GALNT13: variants seen among roughly 807,000 people sequenced by gnomAD.
The protein encoded by GALNT13 is polypeptide N-acetylgalactosaminyltransferase 13, also known as UDP-GalNAc:polypeptide N-acetylgalactosaminyltransferase 13.
GALNT13 carries 28 observed loss-of-function variants against 64.2 expected under a neutral mutation model. The ratio of observed to expected loss-of-function variants is 0.44; its 90% CI spans 0.32 to 0.60. GALNT13 has a LOEUF of 0.60. GALNT13 is among the 20% of genes least tolerant of loss of function. The pLI is 0.05. For missense variants in GALNT13, 577 were observed against 669.8 expected (o/e 0.86, Z 1.53); for synonymous variants, 214 against 224.6 (o/e 0.95, Z 0.42).
At chr2:153,560,775 C>T in the GALNT13 span, among the ~76,000 whole-genome samples, 1 of 152,064 alleles carries the variant, frequency 6.6e-6, no homozygotes, top group Non-Finnish European at 1.5e-5. Context: ...ACATGCTCTT[C>T]AGCCTTTCTC....
chr2:154,391,178 CT>C (rs1229811614), intron 9 of GALNT13, among the ~76,000 whole-genome samples: 1 of 152,206 alleles, frequency 6.6e-6, no homozygotes, highest in Non-Finnish European at 1.5e-5. Context: ...CTTAACTCAT[CT>C]ATACAGCTAC....
intron 9 of GALNT13, among the ~76,000 whole-genome samples, chr2:154,340,137 A>G (rs1490307640): frequency 7.2e-5 from 11 of 152,152 alleles, no homozygotes. Context: ...TATTATTTCC[A>G]TTGGCTGTGC....
the GALNT13 span, among the ~76,000 whole-genome samples, chr2:153,071,338 A>T: frequency 1.3e-5 from 2 of 152,192 alleles, no homozygotes; most frequent in Non-Finnish European, 2.9e-5. Flanking sequence ...CTGTGTTCTC[A>T]TCTCTTACAT....
chr2:153,832,104 G>A, the GALNT13 span, among the ~76,000 whole-genome samples: 1 of 152,122 alleles, frequency 6.6e-6, no homozygotes, highest in African/African-American at 2.4e-5. Context: ...TTGTAGCTAT[G>A]TTAAAAGTTT....
chr2:153,200,388 A>T, the GALNT13 span, among the ~76,000 whole-genome samples: 21 of 152,346 alleles, frequency 1.4e-4, no homozygotes, highest in Middle Eastern at 6.8e-3. Flanking sequence ...GTTGGGGCAA[A>T]GTGTAGTGAG....
chr2:153,233,792 G>A, the GALNT13 span, among the ~76,000 whole-genome samples: 2 of 152,296 alleles, frequency 1.3e-5, no homozygotes, highest in Admixed American at 6.5e-5. Flanking sequence ...CATTAGGTTT[G>A]TAGCAGGTCT....
chr2:153,545,163 C>CT, the GALNT13 span, among the ~76,000 whole-genome samples: 1 of 152,038 alleles, frequency 6.6e-6, no homozygotes, highest in Non-Finnish European at 1.5e-5. Flanking sequence ...TCTCTTAAGT[C>CT]TGGTGGTGGC....
chr2:153,699,517 C>T, the GALNT13 span, among the ~76,000 whole-genome samples: 3,371 of 151,370 alleles, frequency 0.022, 69 homozygotes, highest in Middle Eastern at 0.027. Flanking sequence ...GATAGAGATA[C>T]GAAAAATCCT....
chr2:154,062,670 CT>C (rs1335347101), intron 3 of GALNT13, among the ~76,000 whole-genome samples: 12 of 152,206 alleles, frequency 7.9e-5, no homozygotes, highest in Admixed American at 7.9e-4. Flanking sequence ...GGAAAATCTG[CT>C]CCCATGATCT....
At chr2:154,044,353 C>T (rs1699173630) in intron 3 of GALNT13, among the ~76,000 whole-genome samples, 1 of 152,156 alleles carries the variant, frequency 6.6e-6, no homozygotes, top group African/African-American at 2.4e-5. Flanking sequence ...CGTCAATTAT[C>T]TGAAGGATAA....
chr2:154,265,252 A>C (rs1690928007), intron 8 of GALNT13, among the ~76,000 whole-genome samples: 1 of 152,130 alleles, frequency 6.6e-6, no homozygotes, highest in African/African-American at 2.4e-5. Flanking sequence ...CACAGAAAGA[A>C]AAAATAGACC....
At chr2:154,159,191 AT>A (rs1272141344) in intron 4 of GALNT13, among the ~76,000 whole-genome samples, 2 of 151,824 alleles carry the variant, frequency 1.3e-5, no homozygotes, top group African/African-American at 2.4e-5. Context: ...CTGGAATGCA[AT>A]GGCACTATCT....
At chr2:153,476,396 G>A in the GALNT13 span, among the ~76,000 whole-genome samples, 1 of 152,112 alleles carries the variant, frequency 6.6e-6, no homozygotes, top group African/African-American at 2.4e-5. Context: ...GCATCCTAGT[G>A]GATTCTTTAT....
chr2:153,697,765 A>G, the GALNT13 span, among the ~76,000 whole-genome samples: 1 of 152,212 alleles, frequency 6.6e-6, no homozygotes, highest in Non-Finnish European at 1.5e-5. Flanking sequence ...AATCTGAATG[A>G]CATGCGAATG....
chr2:154,341,099 C>T (rs1476782345), intron 9 of GALNT13, among the ~76,000 whole-genome samples: 1 of 152,108 alleles, frequency 6.6e-6, no homozygotes, highest in Non-Finnish European at 1.5e-5. Context: ...AGGGCTAGAA[C>T]TCAACATTTG....
chr2:154,268,446 G>T (rs1691141278), intron 8 of GALNT13, among the ~76,000 whole-genome samples: 1 of 152,166 alleles, frequency 6.6e-6, no homozygotes, highest in African/African-American at 2.4e-5. Context: ...GGATTACCAA[G>T]GGGAGCATGA....
chr2:153,651,275 A>G, the GALNT13 span, among the ~76,000 whole-genome samples: 1 of 152,220 alleles, frequency 6.6e-6, no homozygotes, highest in African/African-American at 2.4e-5. Context: ...AATCAAAGTC[A>G]TAGAATAAAG....
At chr2:153,329,619 T>C in the GALNT13 span, among the ~76,000 whole-genome samples, 8 of 152,182 alleles carry the variant, frequency 5.3e-5, no homozygotes, top group Non-Finnish European at 1.0e-4. Context: ...TTTTTAATTA[T>C]GGGCATTTGG....
At chr2:153,392,807 A>T in the GALNT13 span, among the ~76,000 whole-genome samples, 2 of 152,074 alleles carry the variant, frequency 1.3e-5, no homozygotes, top group Admixed American at 1.3e-4. Flanking sequence ...GTTAAAACTT[A>T]ATCTCCAATG....
Sources: gnomAD v4.1 joint callset for allele counts (sites outside exome capture counted in the v4.1 genomes callset) on GRCh38, gnomAD v4.1.1 for gene constraint, MANE v1.5 for transcripts, NCBI Gene and HGNC (gene_info 2026-07-23, HGNC 2026-07-21) for gene names.